TOMT: variants seen among roughly 807,000 people sequenced by gnomAD.
The protein encoded by TOMT is transmembrane O-methyltransferase.
In TOMT, 23 loss-of-function variants were observed where a neutral mutation model predicts 21.7. The ratio of observed to expected loss-of-function variants is 1.06; its 90% CI spans 0.76 to 1.50. TOMT has a LOEUF of 1.50. Ranked by LOEUF, TOMT falls within the 40% of genes most tolerant of loss-of-function variation. The probability of loss-of-function intolerance (pLI) is 0.00; values close to 1 mark genes in which losing one functional copy is unlikely to be tolerated. For missense variants in TOMT, 331 were observed against 348.7 expected (o/e 0.95, Z 0.41); for synonymous variants, 132 against 150.8 (o/e 0.88, Z 0.91).
At chr11:72,108,946 T>G in exon 3 of TOMT, 2 of 1,489,580 alleles carry the variant, frequency 1.3e-6, no homozygotes, top group Non-Finnish European at 1.8e-6. Flanking sequence ...CAGGGGTACT[T>G]ACTGATGCCC....
chr11:72,108,815 T>C lies in TOMT; in HGVS notation c.667T>C (p.Tyr223His), dbSNP rs1301578382. 2 of 1,550,628 alleles carry C rather than the reference T, an allele frequency of 1.3e-6. No individual in the cohort carries two copies. The highest frequency in any genetic ancestry group is 1.7e-6 in the Non-Finnish European group (2 of 1,146,962). Residue 223 changes from tyrosine (Y) to histidine (H), a missense_variant, in exon 3 of 3, where the codon TAT (tyrosine) becomes CAT (histidine). By Grantham distance (83) the Tyr-to-His change is moderately conservative (BLOSUM62 2). Coordinates refer to ENST00000541899, the Ensembl canonical transcript of TOMT. Reference sequence around the variant, plus strand: ...CCCTGGTGCACCCCGCTTCTTGCAGTATGCTAAGAGCTGTGGCCGCTACCG... The same window carrying C: ...CCCTGGTGCACCCCGCTTCTTGCAGCATGCTAAGAGCTGTGGCCGCTACCG...
In TOMT at chr11:72,106,215, G is replaced by A; in HGVS notation, c.259+5G>A. 6.8e-7 allele frequency: 1 copy of A among 1,480,606 alleles called. No individual in the cohort carries two copies. Among genetic ancestry groups the A allele is most frequent in the South Asian group, 1.3e-5 (1 of 77,070 alleles). 91.7% of individuals were successfully genotyped at this position (1,480,606 alleles called of 1,614,324 possible). A position where few individuals can be genotyped will look rare whatever the true frequency, so the allele number is the denominator to read the frequency against. ...GCCACATGGGGCCTGTCAAAGGTCA[G>A]TGTTCCCTAGCCTTCTGCTCCAAGA... On this transcript the variant is annotated splice_donor_5th_base_variant and intron_variant, in intron 1 of 2. Coordinates refer to ENST00000541899, the Ensembl canonical transcript of TOMT.
At chr11:72,109,419 T>C, downstream of TOMT, 1 of 454,744 alleles carries the variant, frequency 2.2e-6, no homozygotes, top group Admixed American at 2.4e-5. Flanking sequence ...CCAGAGAAAA[T>C]GGCACAGAAC....
At chr11:72,106,614 A>T (rs752755799) in intron 1 of TOMT, 1 of 159,330 alleles carries the variant, frequency 6.3e-6, no homozygotes. Flanking sequence ...GCCTGGATTT[A>T]TCTCAATCCC....
intron 1 of TOMT, chr11:72,106,676 G>T (rs1945717847): frequency 6.5e-6 from 1 of 153,004 alleles, no homozygotes; most frequent in Admixed American, 6.5e-5. Context: ...TGTGGTGGCT[G>T]GTGCCTGTAA....
chr11:72,108,958 C>A (rs1207040589), exon 3 of TOMT: 9 of 1,340,102 alleles, frequency 6.7e-6, no homozygotes, highest in Non-Finnish European at 8.8e-6. Flanking sequence ...CTGATGCCCA[C>A]CCCCACCCCC....
intron 2 of TOMT, among the ~76,000 whole-genome samples, chr11:72,108,341 A>AG: frequency 6.6e-6 from 1 of 152,340 alleles, no homozygotes; most frequent in South Asian, 2.1e-4. Context: ...TCTGGAACCC[A>AG]GCAAATTTGG....
rs534993150 is a variant in TOMT, at chr11:72,108,592, C to G, written c.457-13C>G. The G allele has an allele frequency of 1.9e-5, 28 of 1,445,846 alleles. No homozygotes were observed. In the South Asian group the frequency reaches 3.3e-4, roughly 17 times the overall value. The allele number at this position is 1,445,846 out of a possible 1,614,324, so 89.6% of individuals were successfully genotyped here. ...CCCCCCACCCTCACCTCCAGCTCCC[C>G]CTATCCCCACAGGTGGAGCTCATCG... is the stretch of plus-strand genomic sequence containing the variant. On this transcript the variant is annotated splice_polypyrimidine_tract_variant and intron_variant, in intron 2 of 2. Transcript: ENST00000541899.
At chr11:72,108,961 C>A (rs950354642) in exon 3 of TOMT, 2 of 1,432,340 alleles carry the variant, frequency 1.4e-6, no homozygotes, top group Admixed American at 2.4e-5. Flanking sequence ...ATGCCCACCC[C>A]CACCCCCACC....
At chr11:72,109,326 C>A (rs1365856067) in exon 3 of TOMT, 1 of 468,120 alleles carries the variant, frequency 2.1e-6, no homozygotes, top group Non-Finnish European at 4.2e-6. Flanking sequence ...GCCTCCCATC[C>A]TCAGCCCATG....
chr11:72,108,781 T>C (rs1946005565), exon 3 of TOMT: 1 of 1,550,516 alleles, frequency 6.4e-7, no homozygotes, highest in Middle Eastern at 1.7e-4. Context: ...TGGCTGACCA[T>C]GTGCTCTTCC....
intron 1 of TOMT, chr11:72,107,679 C>G (rs1365290372): frequency 3.2e-6 from 2 of 615,654 alleles, no homozygotes; most frequent in South Asian, 3.8e-5. Context: ...ATCCCAAAGG[C>G]CTTCAGCTCA....
At chr11:72,109,044 G>A (rs567452783) in exon 3 of TOMT, 5 of 871,794 alleles carry the variant, frequency 5.7e-6, no homozygotes, top group Middle Eastern at 3.5e-4. Context: ...GGGCTAGGGA[G>A]TCTCTCTTCC....
chr11:72,108,662 C>CAGCT lies in TOMT; in HGVS notation c.515_518dup (p.Ser174AlafsTer38), dbSNP rs797044907. 2.6e-6 allele frequency: 4 copies of CAGCT among 1,526,086 alleles called. No homozygotes were observed. The South Asian group carries it at 5.0e-5, about 19-fold the overall frequency. The allele number at this position is 1,526,086 out of a possible 1,614,324, so 94.5% of individuals were successfully genotyped here. On this transcript the variant is annotated frameshift_variant, in exon 3 of 3. Transcript: ENST00000541899. LOFTEE classifies it high-confidence loss of function. Reference sequence around the variant, plus strand: ...GATCCCGTGCCTACGCACCCAGTATCAGCTGAGTCGGGCAGACCTGGTGCT... The same window carrying CAGCT: ...GATCCCGTGCCTACGCACCCAGTATCAGCTAGCTGAGTCGGGCAGACCTGGTGCT...
chr11:72,109,527 G>A, downstream of TOMT: 1 of 404,218 alleles, frequency 2.5e-6, no homozygotes, highest in Non-Finnish European at 4.7e-6. Flanking sequence ...TCTTCCTAAA[G>A]CCCAAAAGAA....
At chr11:72,108,713 C>T (rs1945996230) in exon 3 of TOMT, 1 of 1,549,512 alleles carries the variant, frequency 6.5e-7, no homozygotes, top group African/African-American at 1.4e-5. Context: ...ACGATGTTAC[C>T]TGAGGGACCT....
chr11:72,107,120 A>G (rs1017738997), intron 1 of TOMT: 26 of 324,214 alleles, frequency 8.0e-5, no homozygotes, highest in Non-Finnish European at 1.2e-4. Context: ...TTTAAAAATT[A>G]GCCGGGTGTG....
At chr11:72,106,473 G>T in intron 1 of TOMT, 1 of 371,590 alleles carries the variant, frequency 2.7e-6, no homozygotes, top group Admixed American at 4.2e-5. Context: ...CACAAATGCT[G>T]GCCTCAAAGG....
At chr11:72,108,697 C>T (rs1249763442) in exon 3 of TOMT, 1 of 1,546,148 alleles carries the variant, frequency 6.5e-7, no homozygotes, top group Non-Finnish European at 8.7e-7. Flanking sequence ...TCCTGGCACA[C>T]CGGCCACGAT....
Sources: allele counts gnomAD v4.1 joint callset (sites outside exome capture counted in the v4.1 genomes callset), GRCh38; gene constraint gnomAD v4.1.1; transcripts MANE v1.5; gene names NCBI Gene and HGNC (gene_info 2026-07-23, HGNC 2026-07-21).